The following C10orf143 variants were observed in gnomAD, a reference collection of about 807,000 sequenced individuals.
C10orf143 encodes uncharacterized protein C10orf143.
intron 3 of C10orf143, among the ~76,000 whole-genome samples, chr10:130,037,888 C>T (rs368894538): frequency 5.6e-4 from 85 of 152,198 alleles, no homozygotes; most frequent in Middle Eastern, 3.4e-3. Context: ...TCCCATATTG[C>T]GGCAGGTTAG....
At chr10:130,103,072 G>C (rs902240501) in intron 1 of C10orf143, among the ~76,000 whole-genome samples, 1 of 151,310 alleles carries the variant, frequency 6.6e-6, no homozygotes, top group Non-Finnish European at 1.5e-5. Context: ...TCTGCCTCCC[G>C]GGCTCAAGCG....
chr10:130,067,845 T>C (rs1360300207), intron 3 of C10orf143: 1 of 152,318 alleles, frequency 6.6e-6, no homozygotes. Context: ...GCGTGCACCC[T>C]TCTGTACCAG....
chr10:130,054,800 T>A (rs542297800), intron 3 of C10orf143, among the ~76,000 whole-genome samples: 1 of 152,232 alleles, frequency 6.6e-6, no homozygotes, highest in African/African-American at 2.4e-5. Context: ...CATCACACTT[T>A]CTAATTTTGA....
chr10:130,053,058 TTTTG>T lies in C10orf143; in HGVS notation c.298-17092_298-17089del, dbSNP rs3041743. On this transcript the variant is annotated intron_variant and NMD_transcript_variant, in intron 3 of 5. Coordinates refer to the C10orf143 transcript ENST00000643056. ...GTTACGCTAGAAGTTTCTAAGTGTT[TTTTG>T]TTTGTTTGTTTGTTTGGAGATGGAG... Among the ~76,000 whole-genome samples, 536 of 151,076 alleles carry T rather than the reference TTTTG, an allele frequency of 3.5e-3. 5 individuals are homozygous for T. The highest frequency in any genetic ancestry group is 4.9e-3 in the Non-Finnish European group (332 of 67,754).
chr10:130,108,457 A>G, intron 1 of C10orf143: 2 of 786,872 alleles, frequency 2.5e-6, no homozygotes, highest in East Asian at 2.4e-5. Flanking sequence ...ATACCTGGCA[A>G]TATTTTTGCT....
At chr10:130,063,451 G>C (rs1440567029), downstream of C10orf143, among the ~76,000 whole-genome samples, 1 of 152,060 alleles carries the variant, frequency 6.6e-6, no homozygotes, top group Non-Finnish European at 1.5e-5. Flanking sequence ...TTTTTTGATC[G>C]AGTCATAGCT....
At position 130,056,475 on chromosome 10, in the gene C10orf143, G is replaced by T. The variant is rs1860796682; in HGVS notation, c.298-20505C>A. 6.6e-6 allele frequency among the ~76,000 whole-genome samples: 1 copy of T among 152,192 alleles called. No individual in the cohort carries two copies. The highest frequency in any genetic ancestry group is 6.5e-5 in the Admixed American group (1 of 15,284). ...GTGACTGAGAACTCATACTTGGCTG[G>T]TCCATAGTCAGTGAGAAATGAGGAA... On this transcript the variant is annotated intron_variant and NMD_transcript_variant, in intron 3 of 5. Transcript: ENST00000643056. This position sits in a 1 kb window ranked among gnomAD's most constrained non-coding sequence, Gnocchi z 4.6.
intron 1 of C10orf143, among the ~76,000 whole-genome samples, chr10:130,087,504 A>T (rs1348325264): frequency 2.0e-5 from 3 of 152,210 alleles, no homozygotes; most frequent in Non-Finnish European, 4.4e-5. Context: ...GCAAACAGGG[A>T]TGGTGCTGCC....
intron 1 of C10orf143, among the ~76,000 whole-genome samples, chr10:130,105,691 C>G (rs1292558610): frequency 6.6e-6 from 1 of 152,162 alleles, no homozygotes. Flanking sequence ...GATTATGCCA[C>G]TGCACTCCGG....
rs1456676913 is a variant in C10orf143, at chr10:130,056,380, T to C, written c.298-20410A>G. Among the ~76,000 whole-genome samples the C allele has an allele frequency of 6.6e-6, 1 of 152,084 alleles. No individual in the cohort carries two copies. Among genetic ancestry groups the C allele is most frequent in the African/African-American group, 2.4e-5 (1 of 41,406 alleles). On this transcript the variant is annotated intron_variant and NMD_transcript_variant, in intron 3 of 5. Transcript: ENST00000643056. The surrounding 1 kb of genome is among the most constrained non-coding windows in gnomAD (Gnocchi z 4.6). ...GGCAGCACCCCTGAGAGCCGCTGCATGCACAGGGCTCAACAGCAAGGGTCA... is the reference window on the plus strand; with the variant it reads ...GGCAGCACCCCTGAGAGCCGCTGCACGCACAGGGCTCAACAGCAAGGGTCA...
intron 3 of C10orf143, among the ~76,000 whole-genome samples, chr10:130,068,886 G>T (rs1476330233): frequency 1.3e-5 from 2 of 151,986 alleles, no homozygotes; most frequent in African/African-American, 4.8e-5. Flanking sequence ...AATGAACAGA[G>T]CTTCGAAGAC....
At chr10:130,093,935 G>A (rs1048869217) in intron 1 of C10orf143, among the ~76,000 whole-genome samples, 10 of 151,256 alleles carry the variant, frequency 6.6e-5, no homozygotes, top group South Asian at 4.2e-4. Context: ...GCATGAACCC[G>A]GGAGGCGGAG....
chr10:130,072,587 A>C (rs971736603), intron 3 of C10orf143, among the ~76,000 whole-genome samples: 1 of 152,210 alleles, frequency 6.6e-6, no homozygotes, highest in Non-Finnish European at 1.5e-5. Context: ...TTTTTAAAAA[A>C]ACCTTCCAAT....
intron 3 of C10orf143, among the ~76,000 whole-genome samples, chr10:130,074,153 C>G (rs1422822582): frequency 6.6e-6 from 1 of 152,154 alleles, no homozygotes; most frequent in Non-Finnish European, 1.5e-5. Context: ...ACTGATCAGC[C>G]AAAAAGAGCA....
chr10:130,063,886 G>A (rs1009746912), downstream of C10orf143: 1 of 152,978 alleles, frequency 6.5e-6, no homozygotes, highest in Non-Finnish European at 1.5e-5. Context: ...TTCACTCCAA[G>A]ATTAGAACAT....
At chr10:130,052,464 G>A (rs1860747711) in intron 3 of C10orf143, among the ~76,000 whole-genome samples, 1 of 152,150 alleles carries the variant, frequency 6.6e-6, no homozygotes, top group Non-Finnish European at 1.5e-5. Flanking sequence ...CCCCGGGATA[G>A]TTACTGCCCC....
rs1398872620 is a variant in C10orf143 at position 130,110,820 on chromosome 10, C to T, written c.-48G>A. 2 of 398,738 alleles carry T rather than the reference C, an allele frequency of 5.0e-6. No homozygotes were observed. The highest frequency in any genetic ancestry group is 8.8e-6 in the Non-Finnish European group (2 of 226,186). The allele number at this position is 398,738 out of a possible 1,614,324, so 24.7% of individuals were successfully genotyped here. ...CCGGCATCTCAGGCCTGGCCGAGGCCCGCGCACCACGCCCCCTTCCGCACA... is the reference window on the plus strand; with the variant it reads ...CCGGCATCTCAGGCCTGGCCGAGGCTCGCGCACCACGCCCCCTTCCGCACA... On this transcript the variant is annotated 5_prime_UTR_variant, in exon 1 of 4. Transcript: ENST00000637128.
chr10:130,050,523 A>G (rs928453542), intron 3 of C10orf143, among the ~76,000 whole-genome samples: 1 of 152,258 alleles, frequency 6.6e-6, no homozygotes, highest in African/African-American at 2.4e-5. Context: ...GACCCTGTCC[A>G]TTCATTCATA....
At chr10:130,071,951 T>C (rs1459224993) in intron 3 of C10orf143, among the ~76,000 whole-genome samples, 1 of 152,214 alleles carries the variant, frequency 6.6e-6, no homozygotes. Context: ...CTACTAACAA[T>C]GTTAAAGGTT....
Sources: allele counts gnomAD v4.1 joint callset (sites outside exome capture counted in the v4.1 genomes callset), GRCh38; gene constraint gnomAD v4.1.1; non-coding constraint Gnocchi (gnomAD v3.1); transcripts MANE v1.5; gene names NCBI Gene and HGNC (gene_info 2026-07-23, HGNC 2026-07-21).